Variants in EXOC6B observed in about 807,000 individuals in gnomAD.
EXOC6B encodes the protein exocyst complex component 6B, also known as SEC15 homolog B.
EXOC6B carries 54 observed loss-of-function variants against 113.5 expected under a neutral mutation model. The ratio of observed to expected loss-of-function variants is 0.48; its 90% CI spans 0.38 to 0.60. The LOEUF (loss-of-function observed/expected upper bound fraction) is 0.60, where lower values mean the gene tolerates loss of function less well. Ranked by LOEUF, EXOC6B falls within the 20% of genes least tolerant of loss-of-function variation. EXOC6B has a pLI of 0.00. For synonymous variants in EXOC6B, 357 were observed against 339.0 expected, an observed-to-expected ratio of 1.05 and a Z score of -0.58; for missense variants, 797 against 977.5, an observed-to-expected ratio of 0.82 and a Z score of 2.46.
chr2:72,306,601 G>A (rs1686873296), intron 20 of EXOC6B, among the ~76,000 whole-genome samples: 1 of 152,094 alleles, frequency 6.6e-6, no homozygotes, highest in South Asian at 2.1e-4. Context: ...AACATCTTAT[G>A]TGGTACTTCT....
chr2:72,201,415 T>C (rs1679484915), intron 20 of EXOC6B, among the ~76,000 whole-genome samples: 1 of 148,916 alleles, frequency 6.7e-6, no homozygotes, highest in African/African-American at 2.5e-5. Flanking sequence ...CCTTTATCAC[T>C]ATATATGTGA....
intron 6 of EXOC6B, among the ~76,000 whole-genome samples, chr2:72,686,330 T>C (rs1201098933): frequency 6.6e-6 from 1 of 152,166 alleles, no homozygotes; most frequent in Non-Finnish European, 1.5e-5. Context: ...TTAACAAACA[T>C]GCTACATATA....
intron 17 of EXOC6B, among the ~76,000 whole-genome samples, chr2:72,475,386 T>C (rs1698674995): frequency 6.6e-6 from 1 of 152,158 alleles, no homozygotes; most frequent in African/African-American, 2.4e-5. Flanking sequence ...GTTGGTTGCA[T>C]TCAGCCGAGT....
At chr2:72,500,654 T>A (rs1003823441) in intron 11 of EXOC6B, among the ~76,000 whole-genome samples, 1 of 152,000 alleles carries the variant, frequency 6.6e-6, no homozygotes, top group Non-Finnish European at 1.5e-5. Context: ...AAATTACAAA[T>A]AATGTCCATG....
intron 20 of EXOC6B, among the ~76,000 whole-genome samples, chr2:72,268,848 C>T (rs1219659144): frequency 2.6e-5 from 4 of 152,146 alleles, no homozygotes; most frequent in Non-Finnish European, 5.9e-5. Flanking sequence ...TTGTATGCTT[C>T]CTGAGGCCCT....
chr2:72,401,566 C>CGT (rs1452769105), intron 18 of EXOC6B, among the ~76,000 whole-genome samples: 6 of 14,876 alleles, frequency 4.0e-4, no homozygotes, highest in Non-Finnish European at 5.9e-4. Flanking sequence ...TATATATATA[C>CGT]ATATATATAT....
At chr2:72,645,017 T>A (rs549098144) in intron 6 of EXOC6B, among the ~76,000 whole-genome samples, 10 of 152,232 alleles carry the variant, frequency 6.6e-5, no homozygotes, top group Admixed American at 5.9e-4. Context: ...TCAAGATCCA[T>A]CAGTGTGCTG....
chr2:72,208,654 T>A (rs543472902), intron 20 of EXOC6B, among the ~76,000 whole-genome samples: 1 of 152,228 alleles, frequency 6.6e-6, no homozygotes, highest in East Asian at 1.9e-4. Context: ...TCAGGTCTCA[T>A]CTTAACCCTT....
At position 72,299,564 on chromosome 2, in the gene EXOC6B, G is replaced by A. The variant is rs578169082; in HGVS notation, c.2196+35383C>T. On this transcript the variant is annotated intron_variant, in intron 20 of 21. Coordinates refer to ENST00000272427, the MANE Select transcript of EXOC6B (RefSeq NM_015189.3). ...ATTCTCCGTCCAGTTTTGTTCCCTT[G>A]TTGGCGATCCTTTGGGGTGATCCAG... 9.9e-5 allele frequency among the ~76,000 whole-genome samples: 15 copies of A among 152,122 alleles called. No homozygotes were observed. The East Asian group carries it at 2.9e-3, about 30-fold the overall frequency.
chr2:72,566,211 A>G (rs1334659776), intron 7 of EXOC6B, among the ~76,000 whole-genome samples: 1 of 152,142 alleles, frequency 6.6e-6, no homozygotes. Context: ...AGCCCTTGGC[A>G]AACACTGATC....
chr2:72,744,158 CTA>C (rs374160098), intron 1 of EXOC6B, among the ~76,000 whole-genome samples: 1 of 152,108 alleles, frequency 6.6e-6, no homozygotes, highest in African/African-American at 2.4e-5. Context: ...GTGTAGTAGA[CTA>C]TATACCATCT....
intron 1 of EXOC6B, among the ~76,000 whole-genome samples, chr2:72,810,389 T>C (rs1226620206): frequency 6.7e-6 from 1 of 149,652 alleles, no homozygotes; most frequent in Non-Finnish European, 1.5e-5. Context: ...ATAAATAAAA[T>C]ACAGTGAAGT....
chr2:72,460,812 G>A (rs951401101), intron 18 of EXOC6B, among the ~76,000 whole-genome samples: 7 of 151,752 alleles, frequency 4.6e-5, no homozygotes, highest in Non-Finnish European at 8.8e-5. Flanking sequence ...ATTCCTCAGG[G>A]ATCTAGAACT....
intron 20 of EXOC6B, among the ~76,000 whole-genome samples, chr2:72,258,367 T>C (rs928688712): frequency 3.4e-5 from 5 of 146,242 alleles, no homozygotes; most frequent in East Asian, 2.0e-4. Context: ...TTTTCTTTTT[T>C]TTTTTTTTTT....
intron 16 of EXOC6B, among the ~76,000 whole-genome samples, chr2:72,489,520 C>T (rs1052937882): frequency 6.6e-6 from 1 of 152,094 alleles, no homozygotes; most frequent in East Asian, 1.9e-4. Context: ...TGAGTATTTG[C>T]TATATACCAG....
At chr2:72,471,543 CTATGTCCTGAATGG>C (rs1432562324) in intron 17 of EXOC6B, among the ~76,000 whole-genome samples, 5 of 152,100 alleles carry the variant, frequency 3.3e-5, no homozygotes, top group Non-Finnish European at 7.4e-5. Context: ...TTGCCCATGC[CTATGTCCTGAATGG>C]TATTGCCTAG....
Position 72,728,302 on chromosome 2 carries a change from A to G in EXOC6B, c.464+2705T>C, listed in dbSNP as rs1455553559. ...CTCAGAAATGATCCCAGCCAGACCT[A>G]TTCAATCAGAATCTATATTTAACTA... On this transcript the variant is annotated intron_variant, in intron 5 of 21. Transcript: ENST00000272427. Among the ~76,000 whole-genome samples, 4 of 152,192 alleles carry G rather than the reference A, an allele frequency of 2.6e-5. No homozygotes were observed. In the East Asian group the frequency reaches 5.8e-4, roughly 22 times the overall value.
rs989166697 is a variant in EXOC6B, at chr2:72,709,446, C to T, written c.669+8657G>A. The stretch of plus-strand genomic sequence containing the variant: ...CTCTAGATCCAAACCTCAAACTTGG[C>T]TTCACTACATTCTGCACACGTGGCA... On this transcript the variant is annotated intron_variant, in intron 6 of 21. Transcript: ENST00000272427. Among the ~76,000 whole-genome samples, 4 of 152,264 alleles carry T rather than the reference C, an allele frequency of 2.6e-5. No individual in the cohort carries two copies. In the East Asian group the frequency reaches 7.7e-4, roughly 29 times the overall value.
intron 1 of EXOC6B, among the ~76,000 whole-genome samples, chr2:72,759,169 G>C (rs1682605625): frequency 1.3e-5 from 2 of 152,314 alleles, no homozygotes; most frequent in Non-Finnish European, 2.9e-5. Context: ...GCAAAATGCA[G>C]ATAATGGTAG....
Sources: gnomAD v4.1 joint callset for allele counts (sites outside exome capture counted in the v4.1 genomes callset) on GRCh38, gnomAD v4.1.1 for gene constraint, MANE v1.5 for transcripts, NCBI Gene and HGNC (gene_info 2026-07-23, HGNC 2026-07-21) for gene names.